PLEC: variants seen among roughly 807,000 people sequenced by gnomAD.
PLEC encodes the protein hemidesmosomal protein 1.
A neutral mutation model predicts 392.8 loss-of-function variants in PLEC; 216 were observed. The ratio of observed to expected loss-of-function variants is 0.55; its 90% confidence interval spans 0.49 to 0.62. The LOEUF (loss-of-function observed/expected upper bound fraction) is 0.62, where lower values mean the gene tolerates loss of function less well. PLEC is among the 20% of genes least tolerant of loss of function. The pLI is 0.00. For missense variants in PLEC, 6,863 were observed against 6,563.4 expected, an observed-to-expected ratio of 1.05 and a Z score of -1.58; for synonymous variants, 3,621 against 2,980.6, an observed-to-expected ratio of 1.21 and a Z score of -7.00.
In PLEC at chr8:143,932,816, T is replaced by C. The variant is rs1554718202; in HGVS notation, c.1714A>G (p.Ile572Val). The change falls in exon 14 of 32, where the codon ATC (isoleucine) becomes GTC (valine). Residue 572 changes from isoleucine to valine, a missense_variant. Coordinates refer to ENST00000345136, the MANE Select transcript of PLEC (RefSeq NM_201384.3). ...ACCTCGTCACTCCGTGCCCGCTCGA[T>C]CTTGGCCCGGAATTCTTCGATGGAC... The part of the protein sequence containing the change: ...HQSIEEFRAK[I>V]ERARSDEGQL... 1 of 1,612,456 alleles carries C rather than the reference T, an allele frequency of 6.2e-7. No individual in the cohort carries two copies. Among genetic ancestry groups the C allele is most frequent in the Admixed American group, 1.7e-5 (1 of 59,998 alleles).
intron 1 of PLEC, chr8:143,950,085 T>TGACCACTCC: frequency 7.1e-7 from 1 of 1,407,882 alleles, no homozygotes; most frequent in Non-Finnish European, 9.4e-7. Flanking sequence ...GCAAGCCGGC[T>TGACCACTCC]GACCACTCCA....
chr8:143,922,689 C>T lies in PLEC; in HGVS notation c.7240G>A (p.Gly2414Ser), dbSNP rs782229968. Reference sequence around the variant, plus strand: ...AGCTCCGTGCGGTGCAGCTTCTCACCGATCTCCTCCGCCTGCTTCCGGAAG... The same window carrying T: ...AGCTCCGTGCGGTGCAGCTTCTCACTGATCTCCTCCGCCTGCTTCCGGAAG... The part of the protein sequence containing the change: ...QRFRKQAEEI[G>S]EKLHRTELAT... Residue 2414 changes from glycine to serine, a missense_variant, in exon 31 of 32, where the codon GGT (glycine) becomes AGT (serine). Transcript: ENST00000345136. 59 of 1,612,770 alleles carry T rather than the reference C, an allele frequency of 3.7e-5. No individual in the cohort carries two copies. Among genetic ancestry groups the T allele is most frequent in the South Asian group, 5.5e-5 (5 of 90,894 alleles).
Position 143,925,085 on chromosome 8 carries a change from T to G in PLEC, c.4844A>C (p.Gln1615Pro). The stretch of plus-strand genomic sequence containing the variant: ...CGCCCGCTCGGCCTCGGCCTGCTGC[T>G]GTGCCCGCCGCTCAGCCTCCTCCCG... ...QLREEAERRA[Q>P]QQAEAERARE... Residue 1615 changes from glutamine (Q) to proline (P), a missense_variant, in exon 31 of 32, where the codon CAG (glutamine) becomes CCG (proline). Coordinates refer to ENST00000345136, the MANE Select transcript of PLEC (RefSeq NM_201384.3). 1.3e-6 allele frequency: 2 copies of G among 1,539,684 alleles called. No individual in the cohort carries two copies. Among genetic ancestry groups the G allele is most frequent in the Non-Finnish European group, 1.7e-6 (2 of 1,149,476 alleles).
In PLEC at chr8:143,921,151, C is replaced by T. The variant is rs1822515870; in HGVS notation, c.8670G>A (p.Lys2890=). Residue 2890 remains lysine, a synonymous_variant, in exon 32 of 32, where the codon AAG becomes AAA. Transcript: ENST00000345136. ...CLLPLTDKAA[K]GGELVYTDSE... is the part of the protein sequence containing the mutation. Reference sequence around the variant, plus strand: ...AGTCAGTGTAGACCAGCTCCCCGCCCTTGGCAGCCTTATCCGTGAGTGGCA... The same window carrying T: ...AGTCAGTGTAGACCAGCTCCCCGCCTTTGGCAGCCTTATCCGTGAGTGGCA... 6.2e-7 allele frequency: 1 copy of T among 1,613,572 alleles called. No homozygotes were observed. The highest frequency in any genetic ancestry group is 1.1e-5 in the South Asian group (1 of 91,088).
chr8:143,967,362 CAAAAAAAAAAAAAAA>C (rs869137248), intron 1 of PLEC, among the ~76,000 whole-genome samples: 3 of 46,850 alleles, frequency 6.4e-5, no homozygotes, highest in East Asian at 2.6e-3. Context: ...GACTCCATCT[CAAAAAAAAAAAAAAA>C]AAAAAAAAAA....
chr8:143,921,152 T>G lies in PLEC; in HGVS notation c.8669A>C (p.Lys2890Thr), dbSNP rs1554684207. The change falls in exon 32 of 32, where the codon AAG (lysine) becomes ACG (threonine). Residue 2890 changes from lysine to threonine, a missense_variant. Transcript: ENST00000345136. ...GTCAGTGTAGACCAGCTCCCCGCCC[T>G]TGGCAGCCTTATCCGTGAGTGGCAG... ...CLLPLTDKAA[K>T]GGELVYTDSE... The G allele has an allele frequency of 6.2e-7, 1 of 1,613,636 alleles. No individual in the cohort carries two copies. Among genetic ancestry groups the G allele is most frequent in the Non-Finnish European group, 8.5e-7 (1 of 1,180,034 alleles).
upstream of PLEC, among the ~76,000 whole-genome samples, chr8:143,943,076 G>A (rs570132746): frequency 2.0e-5 from 3 of 152,302 alleles, no homozygotes; most frequent in South Asian, 2.1e-4. Context: ...CGGCAGCTCC[G>A]GGCGTCCCCA....
At chr8:143,976,411 C>T (rs1833663783), upstream of PLEC, among the ~76,000 whole-genome samples, 1 of 152,100 alleles carries the variant, frequency 6.6e-6, no homozygotes. Flanking sequence ...GGCCGCCGCG[C>T]CCCGCCCCCA....
At chr8:143,955,081 T>C (rs1832516932), upstream of PLEC, among the ~76,000 whole-genome samples, 1 of 152,082 alleles carries the variant, frequency 6.6e-6, no homozygotes, top group Non-Finnish European at 1.5e-5. Context: ...CTCGTCCCCC[T>C]GCCCGTCCCT....
chr8:143,973,912 T>C (rs1263168835), upstream of PLEC, among the ~76,000 whole-genome samples: 1 of 151,912 alleles, frequency 6.6e-6, no homozygotes, highest in Non-Finnish European at 1.5e-5. This position sits in a 1 kb window ranked among gnomAD's most constrained non-coding sequence, Gnocchi z 5.6. Flanking sequence ...TGGAGACGAC[T>C]GAGTCGGTAT....
rs782700611 is a variant in PLEC, at chr8:143,919,994, G to C, written c.9827C>G (p.Thr3276Arg). 2 of 1,613,250 alleles carry C rather than the reference G, an allele frequency of 1.2e-6. No homozygotes were observed. Among genetic ancestry groups the C allele is most frequent in the Non-Finnish European group, 1.7e-6 (2 of 1,180,026 alleles). ...GACCTTCTCCACGGTGACCTTGCCC[G>C]TGCGGAACTGACGCAACAGCTCCTG... Reference protein sequence around the residue: ...QRQELLRQFRTGKVTVEKVIK... With the variant: ...QRQELLRQFRRGKVTVEKVIK... The change falls in exon 32 of 32, where the codon ACG becomes AGG. Residue 3276 changes from threonine to arginine, a missense_variant. By Grantham distance (71) the Thr-to-Arg change is moderately conservative. Coordinates refer to ENST00000345136, the MANE Select transcript of PLEC (RefSeq NM_201384.3).
At chr8:143,936,957 G>A (rs782132550) in intron 5 of PLEC, 22 bp downstream of exon 5, 2 of 1,579,520 alleles carry the variant, frequency 1.3e-6, no homozygotes, top group Non-Finnish European at 1.7e-6. Context: ...GGGGGTGGGG[G>A]TCCTGGGGGC....
chr8:143,935,043 C>T lies in PLEC; in HGVS notation c.793G>A (p.Val265Met), dbSNP rs376947863. 55 of 1,612,690 alleles carry T rather than the reference C, an allele frequency of 3.4e-5. No individual in the cohort carries two copies. The highest frequency in any genetic ancestry group is 6.7e-5 in the African/African-American group (5 of 74,934). Reference protein sequence around the residue: ...VSSLYDAMPRVPDVQDGVRAN... With the variant: ...VSSLYDAMPRMPDVQDGVRAN... Reference sequence around the variant, plus strand: ...CTCACCCCATCCTGCACGTCCGGCACGCGGGGCATGGCGTCATACAGCGAC... The same window carrying T: ...CTCACCCCATCCTGCACGTCCGGCATGCGGGGCATGGCGTCATACAGCGAC... Residue 265 changes from valine (V) to methionine (M), a missense_variant, in exon 8 of 32, where the codon GTG becomes ATG. By Grantham distance (21) the Val-to-Met change is conservative. Coordinates refer to ENST00000345136, the MANE Select transcript of PLEC (RefSeq NM_201384.3).
rs34410339 is a variant in PLEC, at chr8:143,969,174, CG to C, written c.70+4228del. On this transcript the variant is annotated intron_variant, in intron 1 of 31. Coordinates refer to the PLEC transcript ENST00000356346. The surrounding 1 kb of genome is among the most constrained non-coding windows in gnomAD (Gnocchi z 5.1). Reference sequence around the variant, plus strand: ...TTCCACACCACGGAACCGACTCCAGCGGGGGGAGGGTGAGGTGCTGATGGCG... The same window carrying C: ...TTCCACACCACGGAACCGACTCCAGCGGGGGAGGGTGAGGTGCTGATGGCG... Among the ~76,000 whole-genome samples, 57 of 152,298 alleles carry C rather than the reference CG, an allele frequency of 3.7e-4. 1 individual carries two copies. Among genetic ancestry groups the C allele is most frequent in the Middle Eastern group, 3.4e-3 (1 of 294 alleles).
At position 143,920,579 on chromosome 8, in the gene PLEC, G is replaced by T; in HGVS notation, c.9242C>A (p.Ala3081Glu). ...ATSARLTVDE[A>E]VRAGLVGPEF... Reference sequence around the variant, plus strand: ...GGGGCCCACCAGGCCAGCACGCACTGCCTCGTCCACGGTCAGCCGGGCGCT... The same window carrying T: ...GGGGCCCACCAGGCCAGCACGCACTTCCTCGTCCACGGTCAGCCGGGCGCT... The change falls in exon 32 of 32, where the codon GCA becomes GAA. Residue 3081 changes from alanine to glutamate, a missense_variant. Coordinates refer to ENST00000345136, the MANE Select transcript of PLEC (RefSeq NM_201384.3). 6.2e-7 allele frequency: 1 copy of T among 1,610,848 alleles called. No homozygotes were observed. The highest frequency in any genetic ancestry group is 8.5e-7 in the Non-Finnish European group (1 of 1,179,870).
rs1554689280 is a variant in PLEC, at chr8:143,922,304, T to C, written c.7517A>G (p.Glu2506Gly). 2 of 1,607,714 alleles carry C rather than the reference T, an allele frequency of 1.2e-6. No homozygotes were observed. The highest frequency in any genetic ancestry group is 4.5e-5 in the East Asian group (2 of 44,870). The change falls in exon 32 of 32, where the codon GAG becomes GGG. Residue 2506 changes from glutamate (E) to glycine (G), a missense_variant. By Grantham distance (98) the Glu-to-Gly change is moderately conservative. Coordinates refer to ENST00000345136, the MANE Select transcript of PLEC (RefSeq NM_201384.3). Reference protein sequence around the residue: ...LSEKDSLLQRERFIEQEKAKL... With the variant: ...LSEKDSLLQRGRFIEQEKAKL... ...GGCCTTCTCCTGCTCGATGAAGCGC[T>C]CCCGCTGTAGCAGGCTGTCCTTTTC...
Position 143,934,201 on chromosome 8 carries a change from C to G in PLEC, c.1170-110G>C. On this transcript the variant is annotated intron_variant, in intron 11 of 31. Transcript: ENST00000345136. ...GTCTCCCTGGCTGTGGCCCACTGTCCTAAGGCGAGTGGGAGCTTGGGTTCC... is the reference window on the plus strand; with the variant it reads ...GTCTCCCTGGCTGTGGCCCACTGTCGTAAGGCGAGTGGGAGCTTGGGTTCC... 6 of 1,593,176 alleles carry G rather than the reference C, an allele frequency of 3.8e-6. No homozygotes were observed. The East Asian group carries it at 1.1e-4, about 30-fold the overall frequency.
In PLEC at chr8:143,927,706, G is replaced by T. The variant is rs782544250; in HGVS notation, c.3460C>A (p.Arg1154=). The change falls in exon 27 of 32, where the codon CGG becomes AGG. Residue 1154 remains arginine, a synonymous_variant. Transcript: ENST00000345136. ...PTFDALRDEL[R]GAQEVGERLQ... ...CGCTCCCCCACCTCCTGTGCCCCCC[G>T]CAGCTCATCCCGCAGGGCGTCGAAC... The T allele has an allele frequency of 2.5e-6, 4 of 1,586,828 alleles. No homozygotes were observed. Among genetic ancestry groups the T allele is most frequent in the Middle Eastern group, 3.3e-4 (2 of 6,020 alleles).
rs1554669404 is a variant in PLEC at position 143,916,514 on chromosome 8, G to A, written c.13307C>T (p.Thr4436Ile). 6.2e-6 allele frequency: 10 copies of A among 1,611,826 alleles called. No homozygotes were observed. Among genetic ancestry groups the A allele is most frequent in the Non-Finnish European group, 8.5e-6 (10 of 1,179,468 alleles). The part of the protein sequence containing the change: ...RDVGAYSKYL[T>I]CPKTKLKISY... ...GATCTTGAGCTTGGTCTTAGGGCAGGTGAGGTACTTGGAGTAGGCGCCCAC... is the reference window on the plus strand; with the variant it reads ...GATCTTGAGCTTGGTCTTAGGGCAGATGAGGTACTTGGAGTAGGCGCCCAC... Residue 4436 changes from threonine (T) to isoleucine (I), a missense_variant, in exon 32 of 32, where the codon ACC becomes ATC. Physicochemically the swap from Thr to Ile is moderately conservative, Grantham distance 89. Transcript: ENST00000345136.
Sources: allele counts gnomAD v4.1 joint callset (sites outside exome capture counted in the v4.1 genomes callset), GRCh38; gene constraint gnomAD v4.1.1; non-coding constraint Gnocchi (gnomAD v3.1); transcripts MANE v1.5; gene names NCBI Gene and HGNC (gene_info 2026-07-23, HGNC 2026-07-21).